DPYSL2: variants seen among roughly 807,000 people sequenced by gnomAD.
DPYSL2 encodes dihydropyrimidinase-related protein 2.
DPYSL2 carries 13 observed loss-of-function variants against 69.9 expected under a neutral mutation model. The ratio of observed to expected loss-of-function variants is 0.19; its 90% CI spans 0.12 to 0.30. The LOEUF (loss-of-function observed/expected upper bound fraction) is 0.30. Among genes scored for constraint, DPYSL2 ranks in the 10% least tolerant of loss-of-function variants. The pLI, the probability that DPYSL2 is intolerant of heterozygous loss-of-function variation, is 1.00. For missense variants in DPYSL2, 587 were observed against 918.9 expected, an observed-to-expected ratio of 0.64 and a Z score of 4.67; for synonymous variants, 326 against 359.1, an observed-to-expected ratio of 0.91 and a Z score of 1.04.
chr8:26,554,891 T>C (rs978982464), intron 1 of DPYSL2, among the ~76,000 whole-genome samples: 3 of 152,100 alleles, frequency 2.0e-5, no homozygotes, highest in Non-Finnish European at 4.4e-5. Flanking sequence ...ACAAATAAAA[T>C]GCAACAATGT....
rs749051351 is a variant in DPYSL2, at chr8:26,653,288, G to A, written c.1833G>A (p.Val611=). 1.9e-6 allele frequency: 3 copies of A among 1,614,168 alleles called. No individual in the cohort carries two copies. The highest frequency in any genetic ancestry group is 8.5e-7 in the Non-Finnish European group (1 of 1,180,028). ...RGLYDGPVCE[V]SVTPKTVTPA... ...TGTATGACGGACCTGTGTGTGAAGT[G>A]TCTGTGACGCCCAAGACAGTCACTC... Residue 611 remains valine, a synonymous_variant, in exon 13 of 14, where the codon GTG becomes GTA. Transcript: ENST00000521913. This position sits in a 1 kb window ranked among gnomAD's most constrained non-coding sequence, Gnocchi z 5.7.
At chr8:26,549,295 A>G (rs917800016) in intron 1 of DPYSL2, among the ~76,000 whole-genome samples, 1 of 152,110 alleles carries the variant, frequency 6.6e-6, no homozygotes, top group Non-Finnish European at 1.5e-5. Context: ...TATTTGATTG[A>G]TCAAGAGGCA....
chr8:26,529,761 A>C (rs1194742970), intron 1 of DPYSL2, among the ~76,000 whole-genome samples: 1 of 136,346 alleles, frequency 7.3e-6, no homozygotes, highest in South Asian at 2.2e-4. Flanking sequence ...CAAATGAATT[A>C]TATTTCTGAC....
At chr8:26,546,718 G>A (rs1800774468) in intron 1 of DPYSL2, among the ~76,000 whole-genome samples, 1 of 151,436 alleles carries the variant, frequency 6.6e-6, no homozygotes, top group Admixed American at 6.6e-5. Flanking sequence ...AGTAAATCGA[G>A]ACCATCCTGG....
intron 1 of DPYSL2, among the ~76,000 whole-genome samples, chr8:26,546,572 G>C (rs1478695626): frequency 6.6e-6 from 1 of 152,104 alleles, no homozygotes; most frequent in African/African-American, 2.4e-5. Flanking sequence ...GATTCAGTGA[G>C]AAAGCTTCTA....
Position 26,652,609 on chromosome 8 carries a change from A to T in DPYSL2, c.1776+173A>T, listed in dbSNP as rs1803300724. ...CATTTAAAATACTGGAGAAGGAGTC[A>T]GTCGTGTCCACAGAGAGCCCTAGCA... On this transcript the variant is annotated intron_variant, in intron 12 of 13. Transcript: ENST00000521913. This position sits in a 1 kb window ranked among gnomAD's most constrained non-coding sequence, Gnocchi z 6.3. Among the ~76,000 whole-genome samples, 1 of 152,174 alleles carries T rather than the reference A, an allele frequency of 6.6e-6. No homozygotes were observed. Among genetic ancestry groups the T allele is most frequent in the Admixed American group, 6.5e-5 (1 of 15,282 alleles).
At position 26,572,196 on chromosome 8, in the gene DPYSL2, C is replaced by T. The variant is rs1424425084; in HGVS notation, c.355-9773C>T. Among the ~76,000 whole-genome samples, 7 of 152,132 alleles carry T rather than the reference C, an allele frequency of 4.6e-5. No individual in the cohort carries two copies. In the South Asian group the frequency reaches 6.2e-4, roughly 14 times the overall value. On this transcript the variant is annotated intron_variant, in intron 1 of 13. Coordinates refer to ENST00000521913, the MANE Select transcript of DPYSL2 (RefSeq NM_001197293.3). Reference sequence around the variant, plus strand: ...ATTGCACTAACGCAGAGACCCAGGGCGCCACAGAAGCAGAAATGGCTACTC... The same window carrying T: ...ATTGCACTAACGCAGAGACCCAGGGTGCCACAGAAGCAGAAATGGCTACTC...
Position 26,654,647 on chromosome 8 carries a change from C to T in DPYSL2, c.1943-968C>T, listed in dbSNP as rs1223554053. ...TGTGTAGGATTAGGGGATTAGAATG[C>T]CAGAAGAGGGCTATGTCCTCAGAAA... On this transcript the variant is annotated intron_variant, in intron 13 of 13. Coordinates refer to ENST00000521913, the MANE Select transcript of DPYSL2 (RefSeq NM_001197293.3). This position sits in a 1 kb window ranked among gnomAD's most constrained non-coding sequence, Gnocchi z 5.0. Among the ~76,000 whole-genome samples, 2 of 151,996 alleles carry T rather than the reference C, an allele frequency of 1.3e-5. No individual in the cohort carries two copies. The highest frequency in any genetic ancestry group is 4.8e-5 in the African/African-American group (2 of 41,368).
Position 26,620,406 on chromosome 8 carries a change from G to A in DPYSL2, c.629-3737G>A, listed in dbSNP as rs1435419411. On this transcript the variant is annotated intron_variant, in intron 3 of 13. Coordinates refer to ENST00000521913, the MANE Select transcript of DPYSL2 (RefSeq NM_001197293.3). The surrounding 1 kb of genome is among the most constrained non-coding windows in gnomAD (Gnocchi z 4.5). ...TGAGTAGCTGGGATTACAGGCACCT[G>A]CCACCACACCCAGTTAATTTTGTAT... 6.6e-6 allele frequency among the ~76,000 whole-genome samples: 1 copy of A among 152,050 alleles called. No homozygotes were observed. The highest frequency in any genetic ancestry group is 1.5e-5 in the Non-Finnish European group (1 of 68,014).
intron 1 of DPYSL2, among the ~76,000 whole-genome samples, chr8:26,523,406 C>A (rs955969549): frequency 4.6e-5 from 7 of 151,984 alleles, no homozygotes; most frequent in African/African-American, 1.7e-4. Context: ...GTTGTGCAAC[C>A]AATCATCAGA....
intron 1 of DPYSL2, among the ~76,000 whole-genome samples, chr8:26,539,607 T>C (rs1214017983): frequency 6.6e-6 from 1 of 152,198 alleles, no homozygotes; most frequent in Non-Finnish European, 1.5e-5. Flanking sequence ...TGGTGTGATC[T>C]TAGCTCACTG....
rs183532939 is a variant in DPYSL2, at chr8:26,530,667, C to T, written c.354+15988C>T. On this transcript the variant is annotated intron_variant, in intron 1 of 13. Coordinates refer to ENST00000521913, the MANE Select transcript of DPYSL2 (RefSeq NM_001197293.3). The stretch of plus-strand genomic sequence containing the variant: ...GTAAGATGTACTTCTGTGAGGAAAC[C>T]GTTCCGATGCTGTTTTTCAAACTTC... 2.3e-3 allele frequency among the ~76,000 whole-genome samples: 357 copies of T among 152,284 alleles called. 2 individuals are homozygous for T. Among genetic ancestry groups the T allele is most frequent in the African/African-American group, 7.5e-3 (313 of 41,560 alleles).
intron 7 of DPYSL2, among the ~76,000 whole-genome samples, chr8:26,634,560 G>T (rs1342387236): frequency 6.6e-6 from 1 of 151,506 alleles, no homozygotes; most frequent in African/African-American, 2.4e-5. Flanking sequence ...GGGATTACAG[G>T]CATGAGCCAC....
rs1211278074 is a variant in DPYSL2 at position 26,647,026 on chromosome 8, A to T, written c.1426-604A>T. Among the ~76,000 whole-genome samples, 1 of 152,040 alleles carries T rather than the reference A, an allele frequency of 6.6e-6. No homozygotes were observed. The highest frequency in any genetic ancestry group is 1.5e-5 in the Non-Finnish European group (1 of 68,004). On this transcript the variant is annotated intron_variant, in intron 10 of 13. Coordinates refer to ENST00000521913, the MANE Select transcript of DPYSL2 (RefSeq NM_001197293.3). This position sits in a 1 kb window ranked among gnomAD's most constrained non-coding sequence, Gnocchi z 5.1. ...AAAGGAAGCCTAGATCTGTGGCTGT[A>T]TTTTGTTGAAAAGGACAGCCAATTG...
chr8:26,524,134 C>G (rs951947475), intron 1 of DPYSL2, among the ~76,000 whole-genome samples: 10 of 152,230 alleles, frequency 6.6e-5, no homozygotes, highest in African/African-American at 2.2e-4. Flanking sequence ...ACATTCCCAA[C>G]AACAGTTCCC....
At chr8:26,555,451 T>C (rs1200496764) in intron 1 of DPYSL2, among the ~76,000 whole-genome samples, 1 of 152,172 alleles carries the variant, frequency 6.6e-6, no homozygotes, top group Non-Finnish European at 1.5e-5. Context: ...GTTTTCTATA[T>C]ACCAGCAATG....
intron 1 of DPYSL2, among the ~76,000 whole-genome samples, chr8:26,535,636 T>C (rs79912716): frequency 7.0e-6 from 1 of 141,930 alleles, no homozygotes; most frequent in Non-Finnish European, 1.5e-5. Flanking sequence ...TATATATATA[T>C]TTTTTTTTTC....
intron 1 of DPYSL2, among the ~76,000 whole-genome samples, chr8:26,557,598 C>A (rs1184626343): frequency 2.1e-5 from 2 of 95,782 alleles, no homozygotes; most frequent in Non-Finnish European, 2.1e-5. Context: ...GCCAACATGG[C>A]AAAACCCTGT....
intron 1 of DPYSL2, among the ~76,000 whole-genome samples, chr8:26,568,367 CTG>C (rs2037631086): frequency 6.6e-6 from 1 of 152,152 alleles, no homozygotes; most frequent in African/African-American, 2.4e-5. Context: ...AAGAGGGGGA[CTG>C]TGTATGGGGA....
Sources: allele counts gnomAD v4.1 joint callset (sites outside exome capture counted in the v4.1 genomes callset), GRCh38; gene constraint gnomAD v4.1.1; non-coding constraint Gnocchi (gnomAD v3.1); transcripts MANE v1.5; gene names NCBI Gene and HGNC (gene_info 2026-07-23, HGNC 2026-07-21).